FARP1: variants seen among roughly 807,000 people sequenced by gnomAD.
FARP1 encodes the protein FERM, ARHGEF and pleckstrin domain-containing protein 1.
FARP1 carries 52 observed loss-of-function variants against 128.8 expected under a neutral mutation model. The observed-to-expected ratio is 0.40, with a 90% CI of 0.32 to 0.51. FARP1 has a LOEUF of 0.51. FARP1 is among the 20% of genes least tolerant of loss of function. The pLI, the probability that FARP1 is intolerant of heterozygous loss-of-function variation, is 0.45. For missense variants in FARP1, 1,333 were observed against 1,367.9 expected, an observed-to-expected ratio of 0.97 and a Z score of 0.40; for synonymous variants, 580 against 551.8, an observed-to-expected ratio of 1.05 and a Z score of -0.72.
At chr13:98,213,444 G>T (rs765859129) in intron 2 of FARP1, 31 bp downstream of exon 2, 11 of 1,605,606 alleles carry the variant, frequency 6.9e-6, no homozygotes, top group Non-Finnish European at 8.5e-6. Context: ...TAACCCAGGA[G>T]TGTGGTAGGG....
chr13:98,286,425 A>G lies in FARP1; in HGVS notation c.172-57337A>G, dbSNP rs1175136601. Among the ~76,000 whole-genome samples the G allele has an allele frequency of 2.6e-5, 4 of 152,314 alleles. No individual in the cohort carries two copies. In the East Asian group the frequency reaches 5.8e-4, roughly 22 times the overall value. On this transcript the variant is annotated intron_variant, in intron 2 of 26. Transcript: ENST00000319562. Reference sequence around the variant, plus strand: ...AAGGGACCCCATGGGAGATAATTGAATCACAGGAGTGGTCTCTCCCATACT... The same window carrying G: ...AAGGGACCCCATGGGAGATAATTGAGTCACAGGAGTGGTCTCTCCCATACT...
intron 16 of FARP1, among the ~76,000 whole-genome samples, chr13:98,413,975 C>T (rs1198951015): frequency 2.0e-5 from 3 of 152,170 alleles, no homozygotes; most frequent in Non-Finnish European, 2.9e-5. Context: ...CAGGAAATGT[C>T]ATCAGTTTGC....
chr13:98,300,294 T>TA (rs1221390874), intron 2 of FARP1, among the ~76,000 whole-genome samples: 1 of 152,126 alleles, frequency 6.6e-6, no homozygotes, highest in Non-Finnish European at 1.5e-5. Context: ...CACTTAGAGG[T>TA]CACTGGGAAC....
chr13:98,375,419 A>G (rs997967923), intron 5 of FARP1, among the ~76,000 whole-genome samples: 3 of 152,122 alleles, frequency 2.0e-5, no homozygotes, highest in Non-Finnish European at 4.4e-5. Context: ...ATTTTACTTT[A>G]TGGGAGATAA....
chr13:98,401,428 A>T (rs573718078), intron 13 of FARP1: 13 of 151,890 alleles, frequency 8.6e-5, no homozygotes, highest in African/African-American at 2.9e-4. Flanking sequence ...ACACACACAC[A>T]CACACACACA....
chr13:98,399,880 A>T (rs1890693984), intron 13 of FARP1: 4 of 152,252 alleles, frequency 2.6e-5, no homozygotes. Context: ...GGGCAAAATA[A>T]AAACGCAAGA....
At chr13:98,263,632 T>G (rs1160264714) in intron 2 of FARP1, among the ~76,000 whole-genome samples, 1 of 152,242 alleles carries the variant, frequency 6.6e-6, no homozygotes, top group Non-Finnish European at 1.5e-5. Flanking sequence ...AATTGCTCTT[T>G]GAAGCAATCT....
intron 16 of FARP1, among the ~76,000 whole-genome samples, chr13:98,413,099 G>GGGGCA (rs1891252755): frequency 1.3e-5 from 2 of 152,188 alleles, no homozygotes; most frequent in African/African-American, 4.8e-5. Flanking sequence ...CCAATATGCT[G>GGGGCA]GGGCAGCGGG....
At chr13:98,424,923 C>T (rs1156431642) in intron 17 of FARP1, among the ~76,000 whole-genome samples, 3 of 149,640 alleles carry the variant, frequency 2.0e-5, no homozygotes, top group Non-Finnish European at 4.4e-5. Flanking sequence ...CATCAGCTAT[C>T]GTTAGTGTTA....
chr13:98,303,652 A>C (rs1275770336), intron 2 of FARP1, among the ~76,000 whole-genome samples: 1 of 152,218 alleles, frequency 6.6e-6, no homozygotes, highest in African/African-American at 2.4e-5. Context: ...CTCAACATAC[A>C]AATGGCTTCA....
intron 3 of FARP1, among the ~76,000 whole-genome samples, chr13:98,353,503 C>T (rs1289695797): frequency 3.3e-5 from 5 of 152,244 alleles, no homozygotes; most frequent in African/African-American, 1.2e-4. Context: ...CTCAGCCTCC[C>T]GAGTAGCTAG....
At chr13:98,294,771 C>G (rs1292350849) in intron 2 of FARP1, among the ~76,000 whole-genome samples, 1 of 152,120 alleles carries the variant, frequency 6.6e-6, no homozygotes, top group Non-Finnish European at 1.5e-5. Flanking sequence ...AATCCCAGCC[C>G]TTTGGGAGGC....
chr13:98,348,455 C>T (rs1320682277), intron 3 of FARP1, among the ~76,000 whole-genome samples: 1 of 152,188 alleles, frequency 6.6e-6, no homozygotes, highest in African/African-American at 2.4e-5. Context: ...GCCATGGGGG[C>T]GAGTTCCGGG....
intron 6 of FARP1, among the ~76,000 whole-genome samples, chr13:98,381,978 C>A (rs901873272): frequency 9.9e-5 from 15 of 151,856 alleles, no homozygotes; most frequent in African/African-American, 3.6e-4. Context: ...CATAGTGAGA[C>A]CTCGTCTGTA....
At chr13:98,163,521 A>G (rs1349389912) in intron 1 of FARP1, among the ~76,000 whole-genome samples, 1 of 150,858 alleles carries the variant, frequency 6.6e-6, no homozygotes, top group East Asian at 2.0e-4. Flanking sequence ...GGAAAATCAA[A>G]TCAAATCCTT....
Position 98,361,225 on chromosome 13 carries a change from T to C in FARP1, c.277-4170T>C, listed in dbSNP as rs139358532. Among the ~76,000 whole-genome samples, 19 of 152,342 alleles carry C rather than the reference T, an allele frequency of 1.2e-4. No homozygotes were observed. In the East Asian group the frequency reaches 3.7e-3, roughly 29 times the overall value. ...GAAACAGATAGGTCCTCACAGGCCATGCATCCTCACCCAGCCTGGTTGCGT... is the reference window on the plus strand; with the variant it reads ...GAAACAGATAGGTCCTCACAGGCCACGCATCCTCACCCAGCCTGGTTGCGT... On this transcript the variant is annotated intron_variant, in intron 3 of 26. Coordinates refer to ENST00000319562, the MANE Select transcript of FARP1 (RefSeq NM_005766.4).
chr13:98,164,058 C>T (rs1434607641), intron 1 of FARP1, among the ~76,000 whole-genome samples: 1 of 151,190 alleles, frequency 6.6e-6, no homozygotes, highest in East Asian at 1.9e-4. Context: ...TAGCTTAATT[C>T]TAATTGCTGG....
intron 2 of FARP1, among the ~76,000 whole-genome samples, chr13:98,239,260 AC>A (rs1882622575): frequency 1.3e-5 from 2 of 152,150 alleles, no homozygotes; most frequent in African/African-American, 2.4e-5. Flanking sequence ...TCTACCCTGG[AC>A]CGACCCTGGT....
Position 98,377,823 on chromosome 13 carries a change from A to C in FARP1, c.401A>C (p.Tyr134Ser). Residue 134 changes from tyrosine to serine, a missense_variant and splice_region_variant, in exon 6 of 27, where the codon TAC becomes TCC. This residue lies in a region of FARP1 where 324 missense variants were observed against 398.1 expected (regional missense o/e 0.81). Transcript: ENST00000319562. ...HTQLQEELTR[Y>S]LFALQVKQDL... ...CCCAGCTCTGTTGATCTTCGCAGGT[A>C]CCTGTTCGCGCTGCAGGTGAAGCAG... The C allele has an allele frequency of 6.2e-7, 1 of 1,613,134 alleles. No homozygotes were observed. Among genetic ancestry groups the C allele is most frequent in the Non-Finnish European group, 8.5e-7 (1 of 1,179,130 alleles).
Sources: allele counts gnomAD v4.1 joint callset (sites outside exome capture counted in the v4.1 genomes callset), GRCh38; gene constraint gnomAD v4.1.1; regional missense constraint gnomAD v4.1.1; transcripts MANE v1.5; gene names NCBI Gene and HGNC (gene_info 2026-07-23, HGNC 2026-07-21).